The following NOL4 variants were observed in gnomAD, a reference collection of about 807,000 sequenced individuals.
NOL4 encodes the protein nucleolar protein 4.
Under a neutral mutation model 75.9 loss-of-function variants are expected in NOL4, and 17 were observed. The observed-to-expected ratio is 0.22, with a 90% confidence interval of 0.15 to 0.34. NOL4 has a LOEUF of 0.34. Ranked by LOEUF, NOL4 falls within the 10% of genes least tolerant of loss-of-function variation. The probability of loss-of-function intolerance (pLI) is 1.00; values close to 1 mark genes in which losing one functional copy is unlikely to be tolerated. For synonymous variants in NOL4, 292 were observed against 289.9 expected (o/e 1.01, Z -0.07); for missense variants, 614 against 793.5 (o/e 0.77, Z 2.72).
chr18:33,914,883 C>A (rs530679462), intron 9 of NOL4, among the ~76,000 whole-genome samples: 1 of 152,050 alleles, frequency 6.6e-6, no homozygotes, highest in Non-Finnish European at 1.5e-5. Flanking sequence ...ATATATGGAT[C>A]TGGAGTTCAG....
At chr18:34,008,091 T>G (rs1360999092) in intron 6 of NOL4, among the ~76,000 whole-genome samples, 1 of 151,958 alleles carries the variant, frequency 6.6e-6, no homozygotes, top group African/African-American at 2.4e-5. Context: ...AGGGCCCAAA[T>G]AAAAGAAAGA....
intron 4 of NOL4, among the ~76,000 whole-genome samples, chr18:34,095,245 A>ATGTGTGTG (rs761927350): frequency 4.1e-4 from 39 of 94,328 alleles, no homozygotes; most frequent in South Asian, 7.1e-4. Context: ...CTAAATTCTA[A>ATGTGTGTG]TGTGTATGTG....
chr18:34,042,708 C>T (rs1029934709), intron 5 of NOL4, among the ~76,000 whole-genome samples: 2 of 152,042 alleles, frequency 1.3e-5, no homozygotes, highest in Admixed American at 1.3e-4. Context: ...ATTCCCCAAA[C>T]AATTCCATGA....
intron 1 of NOL4, among the ~76,000 whole-genome samples, chr18:34,140,137 G>A (rs566246861): frequency 6.6e-6 from 1 of 152,324 alleles, no homozygotes; most frequent in African/African-American, 2.4e-5. Context: ...ATGTGGTGCT[G>A]AGAAGAATGT....
At chr18:33,883,519 A>G in intron 9 of NOL4, 95 bp from the exon 10 acceptor site, 1 of 817,120 alleles carries the variant, frequency 1.2e-6, no homozygotes, top group Non-Finnish European at 1.8e-6. Context: ...ACCTGCATTG[A>G]ATAAGAAAAA....
chr18:34,133,524 T>C (rs1320052388), intron 1 of NOL4, among the ~76,000 whole-genome samples: 1 of 151,988 alleles, frequency 6.6e-6, no homozygotes, highest in African/African-American at 2.4e-5. Flanking sequence ...TATAATTGCA[T>C]ATTTGTTCTT....
intron 5 of NOL4, among the ~76,000 whole-genome samples, chr18:34,038,315 A>C (rs190693515): frequency 6.6e-6 from 1 of 152,184 alleles, no homozygotes; most frequent in East Asian, 1.9e-4. Flanking sequence ...TACAAGCACT[A>C]TGAAAAACAG....
intron 5 of NOL4, among the ~76,000 whole-genome samples, chr18:34,021,739 G>A (rs1298483918): frequency 6.6e-6 from 1 of 152,068 alleles, no homozygotes; most frequent in East Asian, 1.9e-4. Flanking sequence ...GAGACAATTA[G>A]AAAAATCGTG....
intron 9 of NOL4, among the ~76,000 whole-genome samples, chr18:33,931,427 C>T (rs2067683627): frequency 6.6e-6 from 1 of 151,994 alleles, no homozygotes; most frequent in African/African-American, 2.4e-5. Context: ...TATCTGTTCC[C>T]CTGGGAATTT....
At chr18:34,192,333 A>G (rs766043961) in intron 1 of NOL4, among the ~76,000 whole-genome samples, 2 of 152,168 alleles carry the variant, frequency 1.3e-5, no homozygotes, top group African/African-American at 4.8e-5. Flanking sequence ...TAAAATTCCA[A>G]TGACACTTTC....
At chr18:34,020,493 C>T (rs1257487901) in intron 5 of NOL4, among the ~76,000 whole-genome samples, 2 of 152,142 alleles carry the variant, frequency 1.3e-5, no homozygotes, top group Non-Finnish European at 1.5e-5. Context: ...AGTCATTACA[C>T]TTCTGGGAGT....
At chr18:34,131,053 TAC>T (rs1181691737) in intron 1 of NOL4, among the ~76,000 whole-genome samples, 3 of 137,076 alleles carry the variant, frequency 2.2e-5, no homozygotes, top group African/African-American at 2.8e-5. Flanking sequence ...CACATACACA[TAC>T]ACACACACAC....
chr18:33,983,848 G>C (rs2072200999), intron 6 of NOL4, among the ~76,000 whole-genome samples: 1 of 151,602 alleles, frequency 6.6e-6, no homozygotes, highest in Non-Finnish European at 1.5e-5. Context: ...ATACAGACTT[G>C]TTATATGAGT....
At chr18:34,095,399 G>A (rs2078732158) in intron 4 of NOL4, among the ~76,000 whole-genome samples, 1 of 151,878 alleles carries the variant, frequency 6.6e-6, no homozygotes, top group African/African-American at 2.4e-5. Flanking sequence ...CACGTTGATA[G>A]ATGATACAGA....
At chr18:33,985,717 TG>T (rs531626622) in intron 6 of NOL4, among the ~76,000 whole-genome samples, 2 of 152,180 alleles carry the variant, frequency 1.3e-5, no homozygotes, top group Non-Finnish European at 2.9e-5. Flanking sequence ...TTGTAGCAAA[TG>T]CTGTACATTC....
intron 5 of NOL4, among the ~76,000 whole-genome samples, chr18:34,074,199 AT>A (rs1380284402): frequency 6.6e-6 from 1 of 151,516 alleles, no homozygotes; most frequent in Non-Finnish European, 1.5e-5. Context: ...AAATAATTGG[AT>A]TTTTCAATAT....
intron 6 of NOL4, among the ~76,000 whole-genome samples, chr18:34,017,693 T>A (rs749951844): frequency 1.3e-5 from 2 of 152,182 alleles, no homozygotes; most frequent in African/African-American, 4.8e-5. Context: ...TCATCTTATT[T>A]GATTTCTCAA....
At chr18:33,872,119 T>C (rs971918130) in intron 10 of NOL4, among the ~76,000 whole-genome samples, 1 of 152,068 alleles carries the variant, frequency 6.6e-6, no homozygotes, top group Non-Finnish European at 1.5e-5. Context: ...GTCATTATCA[T>C]ACTATTTGTG....
At chr18:34,207,129 G>C (rs989410158) in intron 1 of NOL4, among the ~76,000 whole-genome samples, 3 of 152,114 alleles carry the variant, frequency 2.0e-5, no homozygotes, top group Admixed American at 6.6e-5. Context: ...TTTCAATATA[G>C]AGCATGATTA....
Sources: allele counts gnomAD v4.1 joint callset (sites outside exome capture counted in the v4.1 genomes callset), GRCh38; gene constraint gnomAD v4.1.1; transcripts MANE v1.5; gene names NCBI Gene and HGNC (gene_info 2026-07-23, HGNC 2026-07-21).